KCNN3: variants seen among roughly 807,000 people sequenced by gnomAD.
The protein encoded by KCNN3 is small conductance calcium-activated potassium channel protein 3.
KCNN3 carries 16 observed loss-of-function variants against 62.9 expected under a neutral mutation model. The observed-to-expected ratio is 0.25, with a 90% confidence interval of 0.17 to 0.39. KCNN3 has a LOEUF of 0.39. Among genes scored for constraint, KCNN3 ranks in the 10% least tolerant of loss-of-function variants. The pLI is 1.00. For missense variants in KCNN3, 599 were observed against 949.4 expected (o/e 0.63, Z 4.85); for synonymous variants, 370 against 389.2 (o/e 0.95, Z 0.58).
In KCNN3 at chr1:154,822,103, T is replaced by C. The variant is rs1171173045; in HGVS notation, c.1015A>G (p.Thr339Ala). The change falls in exon 2 of 8, where the codon ACA becomes GCA. Residue 339 changes from threonine to alanine, a missense_variant. Around this residue, in one of 7 missense-constraint regions of KCNN3, gnomAD observed 288 missense variants for 557.4 expected, o/e 0.52. Coordinates refer to ENST00000271915, the MANE Select transcript of KCNN3 (RefSeq NM_002249.6). The part of the protein sequence containing the change: ...ILLGLIIAYH[T>A]REVQLFVIDN... The stretch of plus-strand genomic sequence containing the variant: ...GGGGCACCTACCTGGACTTCACGTG[T>C]GTGGTAGGCGATGATCAAGCCCAAA... The C allele has an allele frequency of 6.2e-7, 1 of 1,613,342 alleles. No homozygotes were observed.
At chr1:154,826,705 C>G (rs906749118) in intron 1 of KCNN3, among the ~76,000 whole-genome samples, 1 of 152,238 alleles carries the variant, frequency 6.6e-6, no homozygotes, top group Middle Eastern at 3.2e-3. Flanking sequence ...TCTGAGCCAG[C>G]CACATAAATT....
At chr1:154,855,532 A>T (rs1308211403) in intron 1 of KCNN3, among the ~76,000 whole-genome samples, 1 of 152,146 alleles carries the variant, frequency 6.6e-6, no homozygotes, top group East Asian at 1.9e-4. Context: ...CCATTGTGTT[A>T]TGATTGCCTA....
rs1699797232 is a variant in KCNN3 at position 154,699,009 on chromosome 1, A to T, written c.*8967T>A. Reference sequence around the variant, plus strand: ...AGCTATTGCCTTATGGGAACCACAGAAATGGATTGAAATAAAACTTACAAA... The same window carrying T: ...AGCTATTGCCTTATGGGAACCACAGTAATGGATTGAAATAAAACTTACAAA... On this transcript the variant is annotated 3_prime_UTR_variant, in exon 8 of 8. Coordinates refer to ENST00000271915, the MANE Select transcript of KCNN3 (RefSeq NM_002249.6). The T allele has an allele frequency of 6.6e-6, 1 of 152,206 alleles. No individual in the cohort carries two copies. Among genetic ancestry groups the T allele is most frequent in the African/African-American group, 2.4e-5 (1 of 41,442 alleles). The allele number at this position is 152,206 out of a possible 1,614,324, so 9.4% of individuals were successfully genotyped here. A position where few individuals can be genotyped will look rare whatever the true frequency, so the allele number is the denominator to read the frequency against.
At chr1:154,737,072 G>C in intron 3 of KCNN3, 1 of 702,376 alleles carries the variant, frequency 1.4e-6, no homozygotes, top group Non-Finnish European at 2.6e-6. Flanking sequence ...CCAGAAGGCT[G>C]GGCTGGTGAT....
intron 2 of KCNN3, among the ~76,000 whole-genome samples, chr1:154,783,437 T>C (rs1439188098): frequency 1.3e-5 from 2 of 152,268 alleles, no homozygotes; most frequent in South Asian, 2.1e-4. Flanking sequence ...ACAGATACAA[T>C]ATCCATTTAT....
intron 3 of KCNN3, among the ~76,000 whole-genome samples, chr1:154,749,815 T>A (rs887280473): frequency 5.9e-5 from 9 of 152,036 alleles, no homozygotes; most frequent in Non-Finnish European, 1.2e-4. Context: ...ATATGCACAA[T>A]AATGCCCTGA....
At chr1:154,722,278 A>G (rs1700366758) in intron 5 of KCNN3, among the ~76,000 whole-genome samples, 1 of 152,104 alleles carries the variant, frequency 6.6e-6, no homozygotes, top group Admixed American at 6.5e-5. Flanking sequence ...TGTCAAATCT[A>G]CTAATTGCCC....
chr1:154,767,631 T>G (rs757250229), intron 3 of KCNN3, among the ~76,000 whole-genome samples: 1 of 152,198 alleles, frequency 6.6e-6, no homozygotes, highest in Non-Finnish European at 1.5e-5. Context: ...CCAGTAAAGC[T>G]GCTTGGCACT....
At chr1:154,819,090 G>C (rs780720057) in intron 2 of KCNN3, among the ~76,000 whole-genome samples, 1 of 152,210 alleles carries the variant, frequency 6.6e-6, no homozygotes, top group African/African-American at 2.4e-5. Flanking sequence ...TGCCTGCTTC[G>C]CAACAGGTGA....
At chr1:154,710,689 A>T (rs948209190) in intron 7 of KCNN3, among the ~76,000 whole-genome samples, 2 of 152,226 alleles carry the variant, frequency 1.3e-5, no homozygotes, top group Admixed American at 6.5e-5. Context: ...GAAGGATATG[A>T]ACAGACACTT....
In KCNN3 at chr1:154,737,212, G is replaced by C. The variant is rs879556824; in HGVS notation, c.1449-4068C>G. The C allele has an allele frequency of 7.2e-4, 201 of 280,546 alleles. 37 individuals carry two copies. The highest frequency in any genetic ancestry group is 1.1e-3 in the Non-Finnish European group (147 of 138,882). The allele number at this position is 280,546 out of a possible 1,614,324, so 17.4% of individuals were successfully genotyped here. ...TTTTTTGCAATAGAAAATTTGGGGG[G>C]GGGGGATAGCTCCATGTTTTTCTTT... On this transcript the variant is annotated intron_variant, in intron 3 of 7. Transcript: ENST00000271915.
chr1:154,771,020 G>A (rs1648530403), intron 3 of KCNN3, among the ~76,000 whole-genome samples: 1 of 151,730 alleles, frequency 6.6e-6, no homozygotes, highest in Non-Finnish European at 1.5e-5. Context: ...CTATGCCACT[G>A]CACTCCAGCC....
At chr1:154,757,470 T>C (rs192821195) in intron 3 of KCNN3, among the ~76,000 whole-genome samples, 47 of 152,198 alleles carry the variant, frequency 3.1e-4, no homozygotes, top group Non-Finnish European at 1.3e-4. Context: ...GCCCTTACAA[T>C]TGTATTGAAG....
intron 3 of KCNN3, among the ~76,000 whole-genome samples, chr1:154,750,741 G>T (rs1360344916): frequency 6.6e-6 from 1 of 152,128 alleles, no homozygotes; most frequent in Non-Finnish European, 1.5e-5. Context: ...TGAAGACACA[G>T]ATGCCCAGGA....
At chr1:154,749,031 T>C (rs1701000302) in intron 3 of KCNN3, among the ~76,000 whole-genome samples, 1 of 152,112 alleles carries the variant, frequency 6.6e-6, no homozygotes, top group South Asian at 2.1e-4. Context: ...TATTACACCT[T>C]GGAGGAGGTG....
intron 2 of KCNN3, among the ~76,000 whole-genome samples, chr1:154,791,096 G>A (rs925645295): frequency 6.6e-6 from 1 of 151,994 alleles, no homozygotes; most frequent in African/African-American, 2.4e-5. Context: ...GGGCATGGTG[G>A]TGCATGTCTG....
intron 1 of KCNN3, among the ~76,000 whole-genome samples, chr1:154,865,976 C>T (rs889949324): frequency 6.6e-6 from 1 of 152,176 alleles, no homozygotes. Context: ...CAGGGCCAAC[C>T]AGGCACACAA....
intron 1 of KCNN3, among the ~76,000 whole-genome samples, chr1:154,859,529 T>C (rs182079754): frequency 6.6e-6 from 1 of 152,174 alleles, no homozygotes; most frequent in African/African-American, 2.4e-5. Context: ...AAACCAACGG[T>C]GGCAGATGGA....
At chr1:154,810,438 A>G (rs1650356722) in intron 2 of KCNN3, among the ~76,000 whole-genome samples, 1 of 138,936 alleles carries the variant, frequency 7.2e-6, no homozygotes, top group Admixed American at 6.8e-5. Context: ...TGAGGCTTCA[A>G]GGAAGACCCT....
Sources: gnomAD v4.1 joint callset for allele counts (sites outside exome capture counted in the v4.1 genomes callset) on GRCh38, gnomAD v4.1.1 for gene constraint, gnomAD v4.1.1 regional missense constraint, MANE v1.5 for transcripts, NCBI Gene and HGNC (gene_info 2026-07-23, HGNC 2026-07-21) for gene names.